The following ZNF480 variants were observed in gnomAD, a reference collection of about 807,000 sequenced individuals.
ZNF480 encodes zinc finger protein 480.
Under a neutral mutation model 14.4 loss-of-function variants are expected in ZNF480, and 15 were observed. The observed-to-expected ratio is 1.04, with a 90% CI of 0.70 to 1.60. ZNF480 has a LOEUF of 1.60. Ranked by LOEUF, ZNF480 falls within the 40% of genes most tolerant of loss-of-function variation. The pLI, the probability that ZNF480 is intolerant of heterozygous loss-of-function variation, is 0.00. For missense variants in ZNF480, 593 were observed against 629.7 expected (o/e 0.94, Z 0.62); for synonymous variants, 218 against 215.5 (o/e 1.01, Z -0.10).
chr19:52,298,635 G>GAAAA (rs753452587), intron 1 of ZNF480, among the ~76,000 whole-genome samples: 2 of 136,824 alleles, frequency 1.5e-5, no homozygotes, highest in South Asian at 2.3e-4. Flanking sequence ...CCGTCTCAGG[G>GAAAA]AAAAAAAAAA....
In ZNF480 at chr19:52,314,380, T is replaced by C; in HGVS notation, c.199+101T>C. The C allele has an allele frequency of 8.7e-6, 10 of 1,152,822 alleles. No homozygotes were observed. The South Asian group carries it at 1.9e-4, about 22-fold the overall frequency. 71.4% of individuals were successfully genotyped at this position (1,152,822 alleles called of 1,614,324 possible). A position where few individuals can be genotyped will look rare whatever the true frequency, so the allele number is the denominator to read the frequency against. On this transcript the variant is annotated intron_variant, in intron 3 of 4. Transcript: ENST00000595962. The stretch of plus-strand genomic sequence containing the variant: ...AGCCCCTGCATTGTTTGACTGACAT[T>C]AAGCAGGAGAATCACTTGAACCTGG...
At position 52,321,849 on chromosome 19, in the gene ZNF480, A is replaced by G. The variant is rs1983831655; in HGVS notation, c.599A>G (p.Glu200Gly). 2 of 1,614,178 alleles carry G rather than the reference A, an allele frequency of 1.2e-6. No homozygotes were observed. Among genetic ancestry groups the G allele is most frequent in the Non-Finnish European group, 1.7e-6 (2 of 1,180,008 alleles). ...CAAGAACAGAAAGTACACCTTAGAG[A>G]AAAACCTTATGAATGTAATGAGCAT... ...LPQEQKVHLREKPYECNEHSK... is the reference protein window; with the variant it reads ...LPQEQKVHLRGKPYECNEHSK... Residue 200 changes from glutamate (E) to glycine (G), a missense_variant, in exon 5 of 5, where the codon GAA (glutamate) becomes GGA (glycine). Physicochemically the swap from Glu to Gly is moderately conservative, Grantham distance 98 (BLOSUM62 -2). Coordinates refer to ENST00000595962, the MANE Select transcript of ZNF480 (RefSeq NM_144684.4).
chr19:52,325,396 T>A lies in ZNF480; in HGVS notation c.*2538T>A, dbSNP rs1984051308. On this transcript the variant is annotated 3_prime_UTR_variant, in exon 5 of 5. Coordinates refer to ENST00000595962, the MANE Select transcript of ZNF480 (RefSeq NM_144684.4). ...CTCAAAGACATAAAAGAACATAGCA[T>A]TCAACCCAGCATCCCATTACTGGGT... 1 of 152,194 alleles carries A rather than the reference T, an allele frequency of 6.6e-6. No homozygotes were observed. The highest frequency in any genetic ancestry group is 2.4e-5 in the African/African-American group (1 of 41,460). 9.4% of individuals were successfully genotyped at this position (152,194 alleles called of 1,614,324 possible).
At chr19:52,300,007 C>G (rs1396433206) in intron 1 of ZNF480, among the ~76,000 whole-genome samples, 1 of 152,234 alleles carries the variant, frequency 6.6e-6, no homozygotes, top group African/African-American at 2.4e-5. Context: ...TGTTCTGTCT[C>G]TGGTGCTGAG....
intron 2 of ZNF480, 107 bp downstream of exon 2, chr19:52,300,591 T>G: frequency 3.2e-6 from 5 of 1,571,552 alleles, no homozygotes; most frequent in Non-Finnish European, 4.3e-6. Context: ...CTGACAGGTT[T>G]GCTCACGCTT....
chr19:52,319,826 T>G (rs540942296), intron 4 of ZNF480, among the ~76,000 whole-genome samples: 52 of 149,066 alleles, frequency 3.5e-4, no homozygotes, highest in African/African-American at 1.2e-3. Flanking sequence ...TTTTTTTTTT[T>G]TTTTTTTTTA....
chr19:52,321,605 G>A lies in ZNF480; in HGVS notation c.355G>A (p.Ala119Thr). ...TGSSYALGSN[A>T]EDKPIKKQLG... ...GAGCAGCTATGCATTGGGAAGCAAT[G>A]CAGAAGACAAACCAATTAAAAAACA... The change falls in exon 5 of 5, where the codon GCA (alanine) becomes ACA (threonine). Residue 119 changes from alanine to threonine, a missense_variant. Ala to Thr is a moderately conservative substitution (Grantham distance 58). Coordinates refer to ENST00000595962, the MANE Select transcript of ZNF480 (RefSeq NM_144684.4). 1 of 1,603,440 alleles carries A rather than the reference G, an allele frequency of 6.2e-7. No homozygotes were observed. The highest frequency in any genetic ancestry group is 2.2e-5 in the East Asian group (1 of 44,672).
At chr19:52,308,907 C>A (rs1045521265) in intron 2 of ZNF480, among the ~76,000 whole-genome samples, 7 of 152,052 alleles carry the variant, frequency 4.6e-5, no homozygotes, top group Admixed American at 3.9e-4. Context: ...AGGAAAACTC[C>A]AAATGTACAG....
rs1485690373 is a variant in ZNF480, at chr19:52,297,205, G to A, written c.-38G>A. 1.1e-5 allele frequency: 5 copies of A among 436,266 alleles called. No homozygotes were observed. The highest frequency in any genetic ancestry group is 2.3e-5 in the Non-Finnish European group (5 of 218,034). 27.0% of individuals were successfully genotyped at this position (436,266 alleles called of 1,614,324 possible). On this transcript the variant is annotated 5_prime_UTR_variant, in exon 1 of 5. Transcript: ENST00000595962. ...AACCCGGAAGCGGATCGCGTGGAGTGAAGGTCACGCCGCGGCGCGTGAGTT... is the reference window on the plus strand; with the variant it reads ...AACCCGGAAGCGGATCGCGTGGAGTAAAGGTCACGCCGCGGCGCGTGAGTT...
intron 2 of ZNF480, among the ~76,000 whole-genome samples, chr19:52,311,599 A>C (rs1983290524): frequency 6.6e-6 from 1 of 152,224 alleles, no homozygotes; most frequent in African/African-American, 2.4e-5. Context: ...TCAATTGAGT[A>C]CAATTTATAC....
At chr19:52,321,509 G>A (rs900755733) in intron 4 of ZNF480, 70 bp from the exon 5 acceptor site, 9 of 1,316,316 alleles carry the variant, frequency 6.8e-6, no homozygotes, top group Middle Eastern at 1.9e-4. Context: ...GCAGATTCTA[G>A]TATTTTCATC....
At position 52,322,882 on chromosome 19, in the gene ZNF480, T is replaced by C; in HGVS notation, c.*24T>C. 1 of 1,534,550 alleles carries C rather than the reference T, an allele frequency of 6.5e-7. No homozygotes were observed. Among genetic ancestry groups the C allele is most frequent in the Non-Finnish European group, 8.8e-7 (1 of 1,139,198 alleles). On this transcript the variant is annotated 3_prime_UTR_variant, in exon 5 of 5. Coordinates refer to ENST00000595962, the MANE Select transcript of ZNF480 (RefSeq NM_144684.4). ...AGAAACTACAAATGCAACAAATGCG[T>C]CAAAGAATTTAGTGTGCACTCAAGC...
rs1982870989 is a variant in ZNF480, at chr19:52,305,174, GCAATATAT to G, written c.72+4691_72+4698del. On this transcript the variant is annotated intron_variant, in intron 2 of 4. Transcript: ENST00000595962. ...GATTGTTCATTGGGTCCTTCACAAT[GCAATATAT>G]AACTGCTTTGATATACTTTAGGGGC... Among the ~76,000 whole-genome samples, 4 of 152,242 alleles carry G rather than the reference GCAATATAT, an allele frequency of 2.6e-5. No individual in the cohort carries two copies. In the South Asian group the frequency reaches 8.3e-4, roughly 32 times the overall value.
At chr19:52,311,203 G>C (rs1326770796) in intron 2 of ZNF480, among the ~76,000 whole-genome samples, 1 of 151,884 alleles carries the variant, frequency 6.6e-6, no homozygotes, top group Non-Finnish European at 1.5e-5. Flanking sequence ...ATTTATGTAA[G>C]TCAGGGTTGA....
Position 52,323,789 on chromosome 19 carries a change from T to C in ZNF480, c.*931T>C, listed in dbSNP as rs932469875. Reference sequence around the variant, plus strand: ...TTAAAAACCCTCAACAAATTACACATTGAGGGAACATACTTCAATAAGAAC... The same window carrying C: ...TTAAAAACCCTCAACAAATTACACACTGAGGGAACATACTTCAATAAGAAC... On this transcript the variant is annotated 3_prime_UTR_variant, in exon 5 of 5. Transcript: ENST00000595962. The C allele has an allele frequency of 2.6e-5, 4 of 152,110 alleles. No homozygotes were observed. Among genetic ancestry groups the C allele is most frequent in the Admixed American group, 6.6e-5 (1 of 15,256 alleles). The allele number at this position is 152,110 out of a possible 1,614,324, so 9.4% of individuals were successfully genotyped here.
intron 2 of ZNF480, chr19:52,307,310 A>G (rs1434630060): frequency 6.6e-6 from 1 of 152,294 alleles, no homozygotes; most frequent in Non-Finnish European, 1.5e-5. Context: ...GAGCTGCTGA[A>G]GGAGACTCAA....
chr19:52,312,022 A>AT (rs918467627), intron 2 of ZNF480, among the ~76,000 whole-genome samples: 1 of 152,010 alleles, frequency 6.6e-6, no homozygotes, highest in African/African-American at 2.4e-5. Flanking sequence ...ATTTTTATGT[A>AT]TTTTTTTAAC....
chr19:52,313,436 C>T (rs1286359651), intron 2 of ZNF480, among the ~76,000 whole-genome samples: 1 of 151,892 alleles, frequency 6.6e-6, no homozygotes, highest in Admixed American at 6.6e-5. Flanking sequence ...CCATGCCTGG[C>T]CTATAATTCT....
At chr19:52,298,274 G>A (rs1982509526) in intron 1 of ZNF480, among the ~76,000 whole-genome samples, 1 of 151,942 alleles carries the variant, frequency 6.6e-6, no homozygotes. Context: ...CCAGAGAGTG[G>A]GGACAAGGGG....
Sources: gnomAD v4.1 joint callset for allele counts (sites outside exome capture counted in the v4.1 genomes callset) on GRCh38, gnomAD v4.1.1 for gene constraint, MANE v1.5 for transcripts, NCBI Gene and HGNC (gene_info 2026-07-23, HGNC 2026-07-21) for gene names.